The following LRBA variants were observed in gnomAD, a reference collection of about 807,000 sequenced individuals.
LRBA encodes LPS responsive beige-like anchor protein, also known as lipopolysaccharide-responsive and beige-like anchor protein.
Under a neutral mutation model 330.0 loss-of-function variants are expected in LRBA, and 176 were observed. That is an observed-to-expected ratio of 0.53 (90% CI 0.47 to 0.60). The LOEUF is 0.60. LRBA is among the 20% of genes least tolerant of loss of function. The probability of loss-of-function intolerance (pLI) is 0.00; values close to 1 mark genes in which losing one functional copy is unlikely to be tolerated. For synonymous variants in LRBA, 1,230 were observed against 1,193.0 expected, an observed-to-expected ratio of 1.03 and a Z score of -0.64; for missense variants, 3,259 against 3,444.8, an observed-to-expected ratio of 0.95 and a Z score of 1.35.
intron 38 of LRBA, among the ~76,000 whole-genome samples, chr4:150,594,991 G>T (rs1773326613): frequency 6.6e-6 from 1 of 151,918 alleles, no homozygotes. Context: ...TAAAGTAAAA[G>T]AAGTTTATAC....
chr4:150,323,065 T>C (rs539766338), intron 49 of LRBA, among the ~76,000 whole-genome samples: 6 of 148,652 alleles, frequency 4.0e-5, no homozygotes, highest in African/African-American at 1.5e-4. Context: ...CATCTGAATG[T>C]TACTAAAAAC....
At chr4:150,962,834 A>G (rs1389936888) in intron 2 of LRBA, among the ~76,000 whole-genome samples, 4 of 147,602 alleles carry the variant, frequency 2.7e-5, no homozygotes, top group Non-Finnish European at 1.5e-5. Flanking sequence ...TGTGCCTATA[A>G]TCCCAGCTAC....
At chr4:150,383,307 C>G (rs552019329) in intron 47 of LRBA, among the ~76,000 whole-genome samples, 1 of 152,178 alleles carries the variant, frequency 6.6e-6, no homozygotes, top group South Asian at 2.1e-4. Context: ...AGTGCAGTGG[C>G]GCAATCATGG....
At chr4:150,629,554 A>G (rs1777173779) in intron 37 of LRBA, among the ~76,000 whole-genome samples, 1 of 152,084 alleles carries the variant, frequency 6.6e-6, no homozygotes, top group Non-Finnish European at 1.5e-5. Context: ...CAGGAAGATC[A>G]CTTGAACCCA....
At chr4:150,549,913 G>A (rs1766370434) in intron 40 of LRBA, among the ~76,000 whole-genome samples, 1 of 152,172 alleles carries the variant, frequency 6.6e-6, no homozygotes, top group East Asian at 1.9e-4. Context: ...CACTATCAGA[G>A]AAAGAAGATG....
At chr4:150,621,990 A>G (rs1297193106) in intron 37 of LRBA, among the ~76,000 whole-genome samples, 1 of 152,218 alleles carries the variant, frequency 6.6e-6, no homozygotes, top group East Asian at 1.9e-4. Context: ...AAACTGTGGG[A>G]CATACTAGAG....
In LRBA at chr4:150,766,082, C is replaced by T. The variant is rs180959572; in HGVS notation, c.5581-4235G>A. Among the ~76,000 whole-genome samples, 61 of 152,078 alleles carry T rather than the reference C, an allele frequency of 4.0e-4. No homozygotes were observed. The East Asian group carries it at 9.6e-3, about 24-fold the overall frequency. On this transcript the variant is annotated intron_variant, in intron 34 of 56. Transcript: ENST00000651943. ...AATTTATTACTAGTAATACATTATG[C>T]TTCTGGTTTTCTCGAGGATCATCTA...
chr4:150,876,780 C>A (rs1004950339), intron 17 of LRBA, among the ~76,000 whole-genome samples: 1 of 152,242 alleles, frequency 6.6e-6, no homozygotes, highest in East Asian at 1.9e-4. Flanking sequence ...GCTTGCAAAC[C>A]TTATAAAACA....
intron 44 of LRBA, among the ~76,000 whole-genome samples, chr4:150,450,571 C>A (rs1753221506): frequency 6.6e-6 from 1 of 152,176 alleles, no homozygotes; most frequent in Non-Finnish European, 1.5e-5. Flanking sequence ...GATTTGGGCC[C>A]ACCCTAATGA....
At chr4:150,791,093 T>G (rs767250298) in intron 34 of LRBA, among the ~76,000 whole-genome samples, 6 of 152,228 alleles carry the variant, frequency 3.9e-5, no homozygotes, top group African/African-American at 7.2e-5. Context: ...TTTTCCAAAC[T>G]TATTTAACAC....
intron 37 of LRBA, among the ~76,000 whole-genome samples, chr4:150,650,768 T>C (rs181951304): frequency 1.3e-5 from 2 of 152,246 alleles, no homozygotes; most frequent in East Asian, 3.9e-4. Context: ...TACCATGATG[T>C]TTTACTTCAT....
chr4:150,289,230 C>T (rs927198481), intron 53 of LRBA, among the ~76,000 whole-genome samples: 1 of 152,116 alleles, frequency 6.6e-6, no homozygotes, highest in Admixed American at 6.5e-5. Context: ...TTACAAAATA[C>T]TAGTTTCCAA....
At chr4:150,913,608 T>C (rs1017109804) in intron 9 of LRBA, among the ~76,000 whole-genome samples, 1 of 152,272 alleles carries the variant, frequency 6.6e-6, no homozygotes, top group Non-Finnish European at 1.5e-5. Context: ...GGTTGTTCTA[T>C]TCATTATTGA....
At chr4:150,916,852 G>T in intron 5 of LRBA, 114 bp from the exon 6 acceptor site, 1 of 827,142 alleles carries the variant, frequency 1.2e-6, no homozygotes, top group Non-Finnish European at 1.8e-6. Flanking sequence ...ATTACTTTAT[G>T]TCACAATTAA....
chr4:150,427,732 A>AT (rs1344141669), intron 46 of LRBA, among the ~76,000 whole-genome samples: 6 of 151,892 alleles, frequency 4.0e-5, no homozygotes, highest in South Asian at 4.1e-4. Context: ...CCGGATGCAG[A>AT]TTTTTTTTAC....
intron 42 of LRBA, among the ~76,000 whole-genome samples, 195 bp downstream of exon 42, chr4:150,487,537 C>A (rs1478763293): frequency 6.6e-6 from 1 of 151,336 alleles, no homozygotes; most frequent in South Asian, 2.1e-4. Context: ...TAAAACAGTA[C>A]ATTATAATGC....
Position 150,844,231 on chromosome 4 carries a change from G to T in LRBA, c.4462-24C>A, listed in dbSNP as rs762829330. 3 of 1,123,018 alleles carry T rather than the reference G, an allele frequency of 2.7e-6. No individual in the cohort carries two copies. The South Asian group carries it at 4.3e-5, about 16-fold the overall frequency. The allele number at this position is 1,123,018 out of a possible 1,614,324, so 69.6% of individuals were successfully genotyped here. A position where few individuals can be genotyped will look rare whatever the true frequency, so the allele number is the denominator to read the frequency against. On this transcript the variant is annotated intron_variant, in intron 27 of 56. Coordinates refer to ENST00000651943, the MANE Select transcript of LRBA (RefSeq NM_001364905.1). Reference sequence around the variant, plus strand: ...CTCTATTTAAGATTAAAAAAAAATTGTATATATATATATTCATATATACAT... The same window carrying T: ...CTCTATTTAAGATTAAAAAAAAATTTTATATATATATATTCATATATACAT...
intron 47 of LRBA, among the ~76,000 whole-genome samples, chr4:150,395,355 A>G (rs1744585111): frequency 6.6e-6 from 1 of 152,078 alleles, no homozygotes; most frequent in Non-Finnish European, 1.5e-5. Context: ...AAAAATCTCA[A>G]TATTATCTTC....
rs759032383 is a variant in LRBA at position 150,583,885 on chromosome 4, C to T, written c.6330+4163G>A. 3.1e-5 allele frequency: 50 copies of T among 1,613,436 alleles called. No homozygotes were observed. The highest frequency in any genetic ancestry group is 4.2e-5 in the Non-Finnish European group (49 of 1,179,738). ...GCTGCTGTACGAGTGCGAGAAACAC[C>T]CACGAGAAACGGACTGGGACGAGTC... On this transcript the variant is annotated intron_variant, in intron 40 of 56. Coordinates refer to ENST00000651943, the MANE Select transcript of LRBA (RefSeq NM_001364905.1). This position sits in a 1 kb window ranked among gnomAD's most constrained non-coding sequence, Gnocchi z 9.8.
Sources: gnomAD v4.1 joint callset for allele counts (sites outside exome capture counted in the v4.1 genomes callset) on GRCh38, gnomAD v4.1.1 for gene constraint, Gnocchi (gnomAD v3.1) non-coding constraint, MANE v1.5 for transcripts, NCBI Gene and HGNC (gene_info 2026-07-23, HGNC 2026-07-21) for gene names.